Variants in ZMYM3 observed in about 807,000 individuals in gnomAD.
The protein encoded by ZMYM3 is zinc finger MYM-type containing 3.
In ZMYM3, 6 loss-of-function variants were observed where a neutral mutation model predicts 94.2. The observed-to-expected ratio is 0.06, with a 90% CI of 0.03 to 0.13. The LOEUF (loss-of-function observed/expected upper bound fraction) is 0.13, where lower values mean the gene tolerates loss of function less well. ZMYM3 is among the 10% of genes least tolerant of loss of function. The pLI is 1.00. For synonymous variants in ZMYM3, 420 were observed against 426.5 expected, an observed-to-expected ratio of 0.98 and a Z score of 0.19; for missense variants, 664 against 1,132.6, an observed-to-expected ratio of 0.59 and a Z score of 5.94.
chrX:71,251,529 C>G (rs2030472419), intron 3 of ZMYM3, 29 bp downstream of exon 3: 2 of 1,177,756 alleles, frequency 1.7e-6, no homozygotes, highest in African/African-American at 1.8e-5. Flanking sequence ...AAGGGGGAAC[C>G]AGACTCCTTC....
chrX:71,253,374 C>T, intron 1 of ZMYM3, 100 bp from the exon 2 acceptor site: 1 of 673,233 alleles, frequency 1.5e-6, no homozygotes, highest in Non-Finnish European at 2.1e-6. Flanking sequence ...ACTTGGATTT[C>T]TCATGAGCAG....
rs746982292 is a variant in ZMYM3 at position 71,242,172 on chromosome X, C to T, written c.3800G>A (p.Arg1267Gln). 7.7e-5 allele frequency: 91 copies of T among 1,178,976 alleles called. No homozygotes were observed. The highest frequency in any genetic ancestry group is 9.2e-5 in the Non-Finnish European group (81 of 879,442). ...CAGGGGAGGGGGCAGCCTCGTACCT[C>T]GCCCTTTCCTCTGGCGGACTGGGGC... The part of the protein sequence containing the change: ...YYAPVRQRKG[R>Q]DTGPGKRKRE... The change falls in exon 23 of 25, where the codon CGA (arginine) becomes CAA (glutamine). Residue 1267 changes from arginine (R) to glutamine (Q), a missense_variant and splice_region_variant. This residue lies in a region of ZMYM3 where 58 missense variants were observed against 112.4 expected (regional missense o/e 0.52). Coordinates refer to ENST00000314425, the MANE Select transcript of ZMYM3 (RefSeq NM_201599.3).
intron 1 of ZMYM3, 32 bp from the exon 2 acceptor site, chrX:71,253,306 G>A: frequency 9.3e-7 from 1 of 1,072,774 alleles, no homozygotes; most frequent in Non-Finnish European, 1.2e-6. Flanking sequence ...GGGGGCAGTA[G>A]AGGTGGTCTT....
In ZMYM3 at chrX:71,253,119, G is replaced by A. The variant is rs1291564875; in HGVS notation, c.137C>T (p.Ala46Val). Residue 46 changes from alanine to valine, a missense_variant, in exon 2 of 25, where the codon GCC (alanine) becomes GTC (valine). By Grantham distance (64) the Ala-to-Val change is moderately conservative (BLOSUM62 0). Transcript: ENST00000314425. Reference protein sequence around the residue: ...ESQTAPTRGWAPPGPSPSSGA... With the variant: ...ESQTAPTRGWVPPGPSPSSGA... ...CGAGGATGGAGAAGGGCCAGGGGGG[G>A]CCCATCCTCGAGTTGGGGCAGTCTG... 1.7e-6 allele frequency: 2 copies of A among 1,204,621 alleles called. No homozygotes were observed. The highest frequency in any genetic ancestry group is 3.0e-5 in the East Asian group (1 of 33,669).
chrX:71,246,287 G>A (rs1428974070), intron 15 of ZMYM3, 66 bp downstream of exon 15: 12 of 1,185,138 alleles, frequency 1.0e-5, no homozygotes, highest in South Asian at 9.0e-5. Context: ...TCCAGCTCAC[G>A]GACATAGGGC....
chrX:71,243,547 G>C (rs1454751063), intron 21 of ZMYM3: 2 of 340,115 alleles, frequency 5.9e-6, no homozygotes, highest in Non-Finnish European at 1.0e-5. Context: ...GAGATTAAAG[G>C]CAAGCTGCCT....
At chrX:71,253,501 T>A (rs1243944711) in intron 1 of ZMYM3, among the ~76,000 whole-genome samples, 1 of 81,853 alleles carries the variant, frequency 1.2e-5, no homozygotes, top group Non-Finnish European at 2.3e-5. Flanking sequence ...GTGCCCACAC[T>A]GGCCAGGCAG....
intron 16 of ZMYM3, 71 bp downstream of exon 16, chrX:71,245,915 T>C (rs2030149869): frequency 8.5e-7 from 1 of 1,175,418 alleles, no homozygotes; most frequent in Non-Finnish European, 1.2e-6. Context: ...GGACAGATGA[T>C]GAGTGAAGGG....
intron 6 of ZMYM3, 72 bp from the exon 7 acceptor site, chrX:71,249,751 CCCACCT>C: frequency 8.7e-7 from 1 of 1,152,463 alleles, no homozygotes. Context: ...AGGTCAGCCC[CCCACCT>C]CACCCTAGAC....
intron 11 of ZMYM3, 45 bp from the exon 12 acceptor site, chrX:71,247,951 C>A (rs1279185594): frequency 1.7e-6 from 2 of 1,146,380 alleles, no homozygotes; most frequent in Admixed American, 5.4e-5. Flanking sequence ...ACACAGATAC[C>A]CAAGGGCAAG....
At position 71,240,745 on chromosome X, in the gene ZMYM3, C is replaced by T. The variant is rs749029813; in HGVS notation, c.*171G>A. On this transcript the variant is annotated 3_prime_UTR_variant, in exon 25 of 25. Coordinates refer to ENST00000314425, the MANE Select transcript of ZMYM3 (RefSeq NM_201599.3). ...AGGGCCCCATGGTTGTCAAGTGGTA[C>T]GGAAGAAGATAAAAGCCAGGGTTCC... The T allele has an allele frequency of 3.0e-4, 142 of 478,310 alleles. No homozygotes were observed. Among genetic ancestry groups the T allele is most frequent in the East Asian group, 1.3e-3 (36 of 26,689 alleles). 39.4% of individuals were successfully genotyped at this position (478,310 alleles called of 1,213,427 possible). A position where few individuals can be genotyped will look rare whatever the true frequency, so the allele number is the denominator to read the frequency against.
At position 71,244,000 on chromosome X, in the gene ZMYM3, A is replaced by G. The variant is rs2030051358; in HGVS notation, c.3281-20T>C. On this transcript the variant is annotated intron_variant, in intron 20 of 24. Transcript: ENST00000314425. ...GTTTGGCTGCAGTGATATGTTGTGC[A>G]GGGACAGGATTAAGAAAAACTCTAC... The G allele has an allele frequency of 1.7e-6, 2 of 1,206,849 alleles. No homozygotes were observed. Among genetic ancestry groups the G allele is most frequent in the Admixed American group, 2.2e-5 (1 of 45,528 alleles).
intron 11 of ZMYM3, 35 bp downstream of exon 11, chrX:71,248,127 G>A: frequency 8.3e-7 from 1 of 1,207,140 alleles, no homozygotes; most frequent in African/African-American, 1.7e-5. Context: ...CTGGCTGGGA[G>A]TTATAGTGTC....
At chrX:71,251,111 G>A (rs1354554201) in intron 4 of ZMYM3, 67 bp downstream of exon 4, 11 of 1,087,415 alleles carry the variant, frequency 1.0e-5, no homozygotes, top group African/African-American at 3.7e-5. Flanking sequence ...ATGCCCTGCC[G>A]CATGCCACTT....
chrX:71,240,589 G>A lies in ZMYM3; in HGVS notation c.*327C>T. On this transcript the variant is annotated 3_prime_UTR_variant, in exon 25 of 25. Transcript: ENST00000314425. ...GGGTCAGGAAACCCAAAGCCAACAG[G>A]ATCACCAGAGCTATTAACACTCCAC... 5.0e-6 allele frequency: 1 copy of A among 199,715 alleles called. No homozygotes were observed. The allele number at this position is 199,715 out of a possible 1,213,427, so 16.5% of individuals were successfully genotyped here.
intron 12 of ZMYM3, 96 bp from the exon 13 acceptor site, chrX:71,247,606 C>T (rs2030240340): frequency 3.5e-6 from 4 of 1,143,100 alleles, no homozygotes; most frequent in South Asian, 4.1e-5. Context: ...CCTTGGAGAT[C>T]GGGCCAGCTT....
upstream of ZMYM3, chrX:71,254,723 C>A (rs1473248540): frequency 9.0e-6 from 1 of 111,350 alleles, no homozygotes; most frequent in Non-Finnish European, 1.9e-5. Context: ...CGGGTCCCGC[C>A]CCCTGGGCGA....
chrX:71,245,388 G>A lies in ZMYM3; in HGVS notation c.2958C>T (p.Ala986=), dbSNP rs141395927. 4.5e-5 allele frequency: 55 copies of A among 1,209,649 alleles called. No individual in the cohort carries two copies. Among genetic ancestry groups the A allele is most frequent in the Non-Finnish European group, 5.7e-5 (51 of 895,159 alleles). Residue 986 remains alanine, a synonymous_variant, in exon 18 of 25, where the codon GCC becomes GCT. Coordinates refer to ENST00000314425, the MANE Select transcript of ZMYM3 (RefSeq NM_201599.3). ...CTTGCCCAGGCTCATCCAAGACATTGGCCATCTTGACTGCCATGGCCAGGA... is the reference window on the plus strand; with the variant it reads ...CTTGCCCAGGCTCATCCAAGACATTAGCCATCTTGACTGCCATGGCCAGGA... ...DDVLAMAVKM[A]NVLDEPGQDL...
chrX:71,251,197 A>C lies in ZMYM3; in HGVS notation c.759T>G (p.Val253=). ...ACTTACTGCTCTCAGTGGAATCTAC[A>C]ACCTCAGGTTTTGGAGGTTCTGCTC... ...VRRAEPPKPE[V]VDSTESIPVS... The change falls in exon 4 of 25, where the codon GTT becomes GTG. Residue 253 remains valine (V), a synonymous_variant. Transcript: ENST00000314425. 2 of 1,209,866 alleles carry C rather than the reference A, an allele frequency of 1.7e-6. No individual in the cohort carries two copies. The highest frequency in any genetic ancestry group is 1.8e-5 in the South Asian group (1 of 56,846).
Sources: gnomAD v4.1 joint callset for allele counts (sites outside exome capture counted in the v4.1 genomes callset) on GRCh38, gnomAD v4.1.1 for gene constraint, gnomAD v4.1.1 regional missense constraint, MANE v1.5 for transcripts, NCBI Gene and HGNC (gene_info 2026-07-23, HGNC 2026-07-21) for gene names.